The following ABAT variants were observed in gnomAD, a reference collection of about 807,000 sequenced individuals.
ABAT encodes the protein 4-aminobutyrate aminotransferase.
ABAT carries 45 observed loss-of-function variants against 64.6 expected under a neutral mutation model. That is an observed-to-expected ratio of 0.70 (90% CI 0.55 to 0.89). The LOEUF is 0.89. ABAT is among the 40% of genes least tolerant of loss of function. ABAT has a pLI of 0.00. For missense variants in ABAT, 633 were observed against 658.4 expected, an observed-to-expected ratio of 0.96 and a Z score of 0.42; for synonymous variants, 297 against 250.5, an observed-to-expected ratio of 1.19 and a Z score of -1.75.
chr16:8,695,367 T>C (rs75841102), intron 1 of ABAT, among the ~76,000 whole-genome samples: 3,645 of 152,310 alleles, frequency 0.024, 144 homozygotes, highest in African/African-American at 0.083. Context: ...TTTAATTTCC[T>C]GCAGGATCCC....
intron 1 of ABAT, among the ~76,000 whole-genome samples, chr16:8,706,924 G>A (rs536591964): frequency 1.6e-4 from 25 of 152,308 alleles, no homozygotes; most frequent in Non-Finnish European, 3.5e-4. Flanking sequence ...AGACGGGGCT[G>A]CAAGAATGGC....
intron 1 of ABAT, among the ~76,000 whole-genome samples, chr16:8,724,163 C>A (rs2058466767): frequency 6.6e-6 from 1 of 151,932 alleles, no homozygotes; most frequent in Non-Finnish European, 1.5e-5. Flanking sequence ...TTCTAAAACC[C>A]AGGCTCAAAT....
chr16:8,777,403 C>T (rs1316795247), intron 14 of ABAT, among the ~76,000 whole-genome samples: 1 of 152,138 alleles, frequency 6.6e-6, no homozygotes, highest in Non-Finnish European at 1.5e-5. Flanking sequence ...CAAAATGGCT[C>T]CTGGAGCTCC....
chr16:8,764,205 G>T lies in ABAT; in HGVS notation c.447+56G>T. ...TCAGACGTGGTACTGGCAGGGGAAG[G>T]GAAAAGTGGAGACGCCAACAATGAA... On this transcript the variant is annotated intron_variant, in intron 7 of 15. Coordinates refer to ENST00000268251, the MANE Select transcript of ABAT (RefSeq NM_020686.6). The surrounding 1 kb of genome is among the most constrained non-coding windows in gnomAD (Gnocchi z 4.2). 6.9e-7 allele frequency: 1 copy of T among 1,439,928 alleles called. No homozygotes were observed. The allele number at this position is 1,439,928 out of a possible 1,614,324, so 89.2% of individuals were successfully genotyped here.
chr16:8,779,405 G>C (rs951806601), intron 14 of ABAT, 74 bp from the exon 15 acceptor site: 11 of 1,322,790 alleles, frequency 8.3e-6, no homozygotes, highest in Middle Eastern at 2.4e-4. Context: ...GGCCTTTGAC[G>C]AAGCACAGCC....
At chr16:8,733,589 G>A (rs1286013479) in intron 1 of ABAT, among the ~76,000 whole-genome samples, 1 of 151,942 alleles carries the variant, frequency 6.6e-6, no homozygotes, top group Non-Finnish European at 1.5e-5. Context: ...CGGCACCTCG[G>A]GAGGCCGAGG....
chr16:8,768,077 A>C, intron 9 of ABAT, 116 bp from the exon 10 acceptor site: 1 of 1,147,950 alleles, frequency 8.7e-7, no homozygotes, highest in Non-Finnish European at 1.3e-6. Context: ...CTTTTGCCTG[A>C]GAAGGATTCC....
intron 1 of ABAT, among the ~76,000 whole-genome samples, chr16:8,695,501 G>C (rs956077569): frequency 6.6e-6 from 1 of 152,202 alleles, no homozygotes; most frequent in African/African-American, 2.4e-5. Context: ...CCGCTTACTT[G>C]TGGCAAGAAT....
rs2059941040 is a variant in ABAT, at chr16:8,766,289, G to C, written c.603+19G>C. 1 of 1,612,102 alleles carries C rather than the reference G, an allele frequency of 6.2e-7. No homozygotes were observed. Among genetic ancestry groups the C allele is most frequent in the African/African-American group, 1.3e-5 (1 of 74,892 alleles). ...TAACCAGGTGAGTGCAGCTGGGCTT[G>C]CACCACGTACATCTGGGGAAGCTGC... On this transcript the variant is annotated intron_variant, in intron 9 of 15. Transcript: ENST00000268251.
chr16:8,710,670 G>A (rs2058045571), intron 1 of ABAT, among the ~76,000 whole-genome samples: 1 of 148,392 alleles, frequency 6.7e-6, no homozygotes, highest in African/African-American at 2.5e-5. Context: ...AGTCCAGGAG[G>A]TTAAGGCTGC....
intron 1 of ABAT, among the ~76,000 whole-genome samples, chr16:8,677,682 C>G (rs2057236015): frequency 6.6e-6 from 1 of 152,176 alleles, no homozygotes; most frequent in African/African-American, 2.4e-5. Flanking sequence ...TGAGTCATGT[C>G]CATCAGAAAT....
intron 6 of ABAT, among the ~76,000 whole-genome samples, chr16:8,761,475 T>C (rs141169051): frequency 3.0e-4 from 45 of 152,366 alleles, no homozygotes; most frequent in Non-Finnish European, 5.7e-4. Context: ...CATTTGCTCA[T>C]TCATTGGTTA....
chr16:8,684,189 A>G (rs918218082), intron 1 of ABAT, among the ~76,000 whole-genome samples: 2 of 152,198 alleles, frequency 1.3e-5, no homozygotes, highest in Admixed American at 6.5e-5. Flanking sequence ...AAAAGGCAGA[A>G]AAGAAGAGAA....
intron 1 of ABAT, among the ~76,000 whole-genome samples, chr16:8,729,110 C>A (rs1254662358): frequency 2.0e-5 from 3 of 150,982 alleles, no homozygotes; most frequent in Non-Finnish European, 4.4e-5. Context: ...AGTTCAAGAC[C>A]ATCCTTCACA....
chr16:8,689,813 C>T (rs2057539604), intron 1 of ABAT, among the ~76,000 whole-genome samples: 1 of 152,182 alleles, frequency 6.6e-6, no homozygotes, highest in African/African-American at 2.4e-5. Flanking sequence ...GAGTAGAAGC[C>T]TTCCCAGGAC....
intron 13 of ABAT, among the ~76,000 whole-genome samples, chr16:8,775,949 T>A (rs928852182): frequency 6.6e-6 from 1 of 152,174 alleles, no homozygotes. Context: ...ACTCCATCTG[T>A]AAGTCACGTT....
At chr16:8,753,372 G>C (rs781120260) in intron 5 of ABAT, among the ~76,000 whole-genome samples, 1 of 152,174 alleles carries the variant, frequency 6.6e-6, no homozygotes, top group East Asian at 1.9e-4. Context: ...TAGGAATACA[G>C]GCGTGAGCCA....
At chr16:8,712,988 A>G (rs1178450398) in intron 1 of ABAT, 1 of 143,952 alleles carries the variant, frequency 6.9e-6, no homozygotes, top group African/African-American at 2.6e-5. Flanking sequence ...CACCCTCATT[A>G]CCTCTTCTGG....
chr16:8,743,499 T>G (rs2059235193), intron 2 of ABAT, among the ~76,000 whole-genome samples: 2 of 142,160 alleles, frequency 1.4e-5, no homozygotes, highest in Admixed American at 1.5e-4. Context: ...ATGTATTATA[T>G]AATATATATT....
Sources: gnomAD v4.1 joint callset for allele counts (sites outside exome capture counted in the v4.1 genomes callset) on GRCh38, gnomAD v4.1.1 for gene constraint, Gnocchi (gnomAD v3.1) non-coding constraint, MANE v1.5 for transcripts, NCBI Gene and HGNC (gene_info 2026-07-23, HGNC 2026-07-21) for gene names.